Variants in CTNNBL1 observed in about 807,000 individuals in gnomAD.
CTNNBL1 encodes catenin beta like 1.
In CTNNBL1, 31 loss-of-function variants were observed where a neutral mutation model predicts 72.7. The ratio of observed to expected loss-of-function variants is 0.43; its 90% CI spans 0.32 to 0.58. The LOEUF (loss-of-function observed/expected upper bound fraction) is 0.58, where lower values mean the gene tolerates loss of function less well. Ranked by LOEUF, CTNNBL1 falls within the 20% of genes least tolerant of loss-of-function variation. The pLI, the probability that CTNNBL1 is intolerant of heterozygous loss-of-function variation, is 0.08. For synonymous variants in CTNNBL1, 240 were observed against 267.3 expected, an observed-to-expected ratio of 0.90 and a Z score of 1.00; for missense variants, 534 against 725.1, an observed-to-expected ratio of 0.74 and a Z score of 3.03.
At chr20:37,705,192 A>G (rs755794877) in intron 1 of CTNNBL1, among the ~76,000 whole-genome samples, 2 of 152,198 alleles carry the variant, frequency 1.3e-5, no homozygotes, top group South Asian at 2.1e-4. Flanking sequence ...CTTGCTAGCT[A>G]TGTGACCTTG....
intron 5 of CTNNBL1, among the ~76,000 whole-genome samples, chr20:37,760,204 T>C (rs1467534426): frequency 6.6e-6 from 1 of 152,230 alleles, no homozygotes; most frequent in Non-Finnish European, 1.5e-5. Context: ...AGAGGGTATA[T>C]TGCTTTGATG....
At chr20:37,765,383 A>C in intron 6 of CTNNBL1, 93 bp downstream of exon 6, 1 of 806,830 alleles carries the variant, frequency 1.2e-6, no homozygotes, top group South Asian at 1.6e-5. Flanking sequence ...AATAGAGTCA[A>C]TAGCAGGCTG....
rs369329551 is a variant in CTNNBL1, at chr20:37,839,574, C to T, written c.1214-528C>T. Among the ~76,000 whole-genome samples, 3 of 152,238 alleles carry T rather than the reference C, an allele frequency of 2.0e-5. No homozygotes were observed. In the East Asian group the frequency reaches 5.8e-4, roughly 29 times the overall value. On this transcript the variant is annotated intron_variant, in intron 11 of 15. Transcript: ENST00000361383. The stretch of plus-strand genomic sequence containing the variant: ...TAACTGTTTTGAAGTGCTTACAGTA[C>T]AGCCACCTTTAAACTTGAAGCGGGG...
intron 1 of CTNNBL1, among the ~76,000 whole-genome samples, chr20:37,727,617 G>C (rs775222388): frequency 6.6e-5 from 10 of 152,234 alleles, no homozygotes; most frequent in Non-Finnish European, 1.5e-4. Flanking sequence ...ACTTTATTAA[G>C]AACAGTTGCT....
chr20:37,771,096 A>T (rs2073518817), intron 7 of CTNNBL1, among the ~76,000 whole-genome samples: 1 of 152,106 alleles, frequency 6.6e-6, no homozygotes, highest in Non-Finnish European at 1.5e-5. Context: ...TCCTTTGAAA[A>T]ATGGGGATCA....
chr20:37,848,679 AG>A (rs1421889619), intron 13 of CTNNBL1, among the ~76,000 whole-genome samples: 1 of 152,128 alleles, frequency 6.6e-6, no homozygotes, highest in Non-Finnish European at 1.5e-5. Context: ...TTGGAAGAGA[AG>A]TCAGAGGACC....
Position 37,756,400 on chromosome 20 carries a change from TTCTC to T in CTNNBL1, c.467-1140_467-1137del, listed in dbSNP as rs11468896. The T allele has an allele frequency of 1.0e-3, 151 of 148,528 alleles. 2 individuals are homozygous for T. In the East Asian group the frequency reaches 0.022, roughly 21 times the overall value. 9.2% of individuals were successfully genotyped at this position (148,528 alleles called of 1,614,324 possible). ...CAGTTTGCTGGAGCAAGGTGTCTGT[TTCTC>T]TCTCTCTCTCTCTCTCTCCCCCGTT... On this transcript the variant is annotated intron_variant, in intron 4 of 15. Coordinates refer to ENST00000361383, the MANE Select transcript of CTNNBL1 (RefSeq NM_030877.5).
chr20:37,798,974 A>G (rs1184636900), intron 10 of CTNNBL1, among the ~76,000 whole-genome samples: 2 of 152,216 alleles, frequency 1.3e-5, no homozygotes, highest in East Asian at 3.8e-4. Flanking sequence ...GTCCAGCTGC[A>G]GTGAAAACAA....
chr20:37,861,482 T>G lies in CTNNBL1; in HGVS notation c.1603+1138T>G, dbSNP rs138862215. On this transcript the variant is annotated intron_variant, in intron 15 of 15. Transcript: ENST00000361383. ...TGCCGGAGTTCAGGGAGTGTCCAGATGGACTGGGTAACTCTAGACAAATCA... is the reference window on the plus strand; with the variant it reads ...TGCCGGAGTTCAGGGAGTGTCCAGAGGGACTGGGTAACTCTAGACAAATCA... Among the ~76,000 whole-genome samples the G allele has an allele frequency of 1.8e-4, 28 of 152,328 alleles. No homozygotes were observed. The East Asian group carries it at 5.4e-3, about 29-fold the overall frequency.
chr20:37,784,436 A>C (rs1473987242), intron 10 of CTNNBL1, among the ~76,000 whole-genome samples: 3 of 152,020 alleles, frequency 2.0e-5, no homozygotes, highest in Non-Finnish European at 4.4e-5. Context: ...TCTCTTTGTG[A>C]AGGTGATTTT....
intron 11 of CTNNBL1, among the ~76,000 whole-genome samples, chr20:37,824,325 C>T (rs1326847311): frequency 6.6e-6 from 1 of 152,212 alleles, no homozygotes; most frequent in East Asian, 1.9e-4. Context: ...AGACCCTTGA[C>T]AGTGAGGCGA....
intron 4 of CTNNBL1, among the ~76,000 whole-genome samples, chr20:37,748,626 T>C (rs2073289576): frequency 6.6e-6 from 1 of 152,218 alleles, no homozygotes; most frequent in Admixed American, 6.5e-5. Context: ...GGGTGGCTTA[T>C]AAACAACAAA....
intron 10 of CTNNBL1, among the ~76,000 whole-genome samples, chr20:37,788,594 T>C (rs1373819164): frequency 2.0e-5 from 3 of 152,226 alleles, no homozygotes; most frequent in Non-Finnish European, 4.4e-5. Context: ...TCCACTCGAG[T>C]CCTGGGCTCC....
intron 4 of CTNNBL1, among the ~76,000 whole-genome samples, chr20:37,747,984 T>A (rs960439830): frequency 6.6e-6 from 1 of 152,198 alleles, no homozygotes; most frequent in Non-Finnish European, 1.5e-5. Flanking sequence ...ATCTTGGCTA[T>A]CAGGTGTGCA....
intron 11 of CTNNBL1, among the ~76,000 whole-genome samples, chr20:37,818,033 T>G (rs1186037936): frequency 2.6e-5 from 4 of 152,212 alleles, no homozygotes; most frequent in African/African-American, 9.6e-5. Flanking sequence ...AGCCCACATC[T>G]GATTCAGAGG....
intron 4 of CTNNBL1, chr20:37,751,582 A>G (rs1184908110): frequency 1.3e-5 from 2 of 152,248 alleles, no homozygotes; most frequent in Admixed American, 6.5e-5. Flanking sequence ...TTAGACCAAC[A>G]GGGATCAACT....
At chr20:37,721,821 C>G (rs2073042655) in intron 1 of CTNNBL1, among the ~76,000 whole-genome samples, 1 of 152,150 alleles carries the variant, frequency 6.6e-6, no homozygotes, top group African/African-American at 2.4e-5. Flanking sequence ...CTTTAAATAA[C>G]TACTTGTGTA....
intron 1 of CTNNBL1, among the ~76,000 whole-genome samples, chr20:37,704,013 G>A (rs2072865544): frequency 6.6e-6 from 1 of 152,086 alleles, no homozygotes. Flanking sequence ...CTGACCTCAG[G>A]TGATCCACCT....
intron 1 of CTNNBL1, among the ~76,000 whole-genome samples, chr20:37,699,980 G>T (rs6125916): frequency 0.17 from 25,538 of 152,084 alleles, 2,326 homozygotes; most frequent in Non-Finnish European, 0.21. Context: ...GCCTAATGAG[G>T]GGATTAAGTA....
Sources: allele counts gnomAD v4.1 joint callset (sites outside exome capture counted in the v4.1 genomes callset), GRCh38; gene constraint gnomAD v4.1.1; transcripts MANE v1.5; gene names NCBI Gene and HGNC (gene_info 2026-07-23, HGNC 2026-07-21).